NLK: variants seen among roughly 807,000 people sequenced by gnomAD.
NLK encodes serine/threonine-protein kinase NLK.
Under a neutral mutation model 59.0 loss-of-function variants are expected in NLK, and 11 were observed. The ratio of observed to expected loss-of-function variants is 0.19; its 90% CI spans 0.12 to 0.31. The LOEUF (loss-of-function observed/expected upper bound fraction) is 0.31, where lower values mean the gene tolerates loss of function less well. Ranked by LOEUF, NLK falls within the 10% of genes least tolerant of loss-of-function variation. The pLI is 1.00. For synonymous variants in NLK, 235 were observed against 235.9 expected (o/e 1.00, Z 0.03); for missense variants, 410 against 661.1 (o/e 0.62, Z 4.16).
At chr17:28,197,958 A>G (rs991205021), downstream of NLK, among the ~76,000 whole-genome samples, 1 of 152,218 alleles carries the variant, frequency 6.6e-6, no homozygotes, top group African/African-American at 2.4e-5. Flanking sequence ...CTAAAAGCAG[A>G]TCTCCAAGAA....
In NLK at chr17:28,098,675, CTTTTTTTTTTT is replaced by C. The variant is rs781294029; in HGVS notation, c.459-23914_459-23904del. On this transcript the variant is annotated intron_variant, in intron 1 of 10. Coordinates refer to ENST00000407008, the MANE Select transcript of NLK (RefSeq NM_016231.5). ...CTATGAAAAGTTTTTCATTACCATT[CTTTTTTTTTTT>C]TTTTTTTTTTTTTGAGATGGATTTT... Among the ~76,000 whole-genome samples, 19 of 67,570 alleles carry C rather than the reference CTTTTTTTTTTT, an allele frequency of 2.8e-4. 1 individual carries two copies. The highest frequency in any genetic ancestry group is 9.3e-4 in the African/African-American group (15 of 16,044). The allele number at this position is 67,570 out of a possible 152,430, so 44.3% of individuals were successfully genotyped here. A position where few individuals can be genotyped will look rare whatever the true frequency, so the allele number is the denominator to read the frequency against.
At chr17:28,071,203 G>A (rs1401435307) in intron 1 of NLK, among the ~76,000 whole-genome samples, 1 of 152,182 alleles carries the variant, frequency 6.6e-6, no homozygotes, top group South Asian at 2.1e-4. Flanking sequence ...CTATTTTAAA[G>A]TAACTCTTGA....
At chr17:28,109,452 T>G (rs1003117238) in intron 1 of NLK, among the ~76,000 whole-genome samples, 2 of 152,228 alleles carry the variant, frequency 1.3e-5, no homozygotes. Flanking sequence ...AGTTAATTTA[T>G]GGTGTTATAC....
At chr17:28,158,407 A>G (rs893943570) in intron 3 of NLK, among the ~76,000 whole-genome samples, 3 of 152,186 alleles carry the variant, frequency 2.0e-5, no homozygotes, top group African/African-American at 7.2e-5. Flanking sequence ...GTGAGTGGTG[A>G]GTGAATTTGA....
At chr17:28,198,625 A>G (rs554199334), downstream of NLK, among the ~76,000 whole-genome samples, 374 of 152,166 alleles carry the variant, frequency 2.5e-3, no homozygotes, top group Non-Finnish European at 3.4e-3. Context: ...GTGCCTGGCC[A>G]TCTTCACTAT....
chr17:28,056,497 A>G (rs1909449250), intron 1 of NLK, among the ~76,000 whole-genome samples: 1 of 152,240 alleles, frequency 6.6e-6, no homozygotes, highest in Non-Finnish European at 1.5e-5. Context: ...CAAAAACAAA[A>G]CAAATAAAAA....
downstream of NLK, among the ~76,000 whole-genome samples, chr17:28,198,135 A>G (rs1414084328): frequency 6.6e-6 from 1 of 152,134 alleles, no homozygotes; most frequent in African/African-American, 2.4e-5. Context: ...CATGGCACAT[A>G]TGTTTGTTTG....
intron 1 of NLK, among the ~76,000 whole-genome samples, chr17:28,120,398 T>C (rs1028353355): frequency 3.9e-5 from 6 of 152,024 alleles, no homozygotes; most frequent in Non-Finnish European, 7.4e-5. Flanking sequence ...TGTGAGCCAC[T>C]GCGCCCTGCC....
At chr17:28,047,727 T>G (rs1488356965) in intron 1 of NLK, among the ~76,000 whole-genome samples, 1 of 152,216 alleles carries the variant, frequency 6.6e-6, no homozygotes, top group African/African-American at 2.4e-5. Flanking sequence ...ATTGTCTAGC[T>G]TGCTCATCTT....
rs369491618 is a variant in NLK at position 28,125,747 on chromosome 17, T to C, written c.588+3015T>C. On this transcript the variant is annotated intron_variant, in intron 2 of 10. Coordinates refer to ENST00000407008, the MANE Select transcript of NLK (RefSeq NM_016231.5). ...AGTTAAGGCAGCAAATGTTTATTTA[T>C]TGTGTCCTATGTAAGGAGTGCGGTG... 6.8e-4 allele frequency among the ~76,000 whole-genome samples: 103 copies of C among 152,344 alleles called. 4 individuals are homozygous for C. In the South Asian group the frequency reaches 0.021, roughly 31 times the overall value.
intron 1 of NLK, among the ~76,000 whole-genome samples, chr17:28,091,128 A>C (rs1904476905): frequency 6.6e-6 from 1 of 152,202 alleles, no homozygotes; most frequent in South Asian, 2.1e-4. Context: ...ACATGGATAA[A>C]TTGTAAAAAC....
intron 1 of NLK, among the ~76,000 whole-genome samples, chr17:28,096,494 G>GTTA (rs1202824033): frequency 6.6e-6 from 1 of 152,118 alleles, no homozygotes; most frequent in Admixed American, 6.5e-5. Flanking sequence ...CTAGTCCTAA[G>GTTA]GGGCTATAAT....
chr17:28,130,576 A>G (rs1323150851), intron 2 of NLK, among the ~76,000 whole-genome samples: 1 of 152,184 alleles, frequency 6.6e-6, no homozygotes, highest in African/African-American at 2.4e-5. Context: ...ATTCTTCTCT[A>G]TCAAGGTTTA....
intron 7 of NLK, among the ~76,000 whole-genome samples, chr17:28,175,493 A>G (rs2142060549): frequency 6.6e-6 from 1 of 152,104 alleles, no homozygotes; most frequent in East Asian, 1.9e-4. Context: ...CAGTTTCACC[A>G]TGTTGCACGT....
At chr17:28,151,415 A>G (rs1380356041) in intron 3 of NLK, among the ~76,000 whole-genome samples, 2 of 152,234 alleles carry the variant, frequency 1.3e-5, no homozygotes, top group Non-Finnish European at 2.9e-5. Context: ...ATTGTTTTCT[A>G]TAAAGAAAAA....
chr17:28,066,497 C>T (rs1261921697), intron 1 of NLK, among the ~76,000 whole-genome samples: 1 of 152,178 alleles, frequency 6.6e-6, no homozygotes, highest in Non-Finnish European at 1.5e-5. Flanking sequence ...TATATCACAA[C>T]TTTAAAACCC....
chr17:28,049,604 T>C (rs1031606053), intron 1 of NLK, among the ~76,000 whole-genome samples: 1 of 152,176 alleles, frequency 6.6e-6, no homozygotes, highest in Non-Finnish European at 1.5e-5. Context: ...ATATGAACAA[T>C]GAAACATGCC....
intron 1 of NLK, among the ~76,000 whole-genome samples, chr17:28,110,543 A>T (rs1450420406): frequency 6.6e-6 from 1 of 151,530 alleles, no homozygotes; most frequent in Non-Finnish European, 1.5e-5. Flanking sequence ...CAAATTTGGA[A>T]ATATTTCAAC....
At chr17:28,118,251 A>C (rs1249148359) in intron 1 of NLK, among the ~76,000 whole-genome samples, 1 of 152,204 alleles carries the variant, frequency 6.6e-6, no homozygotes, top group Non-Finnish European at 1.5e-5. Flanking sequence ...AGTATAGTTG[A>C]CATAGTAATT....
Sources: allele counts gnomAD v4.1 joint callset (sites outside exome capture counted in the v4.1 genomes callset), GRCh38; gene constraint gnomAD v4.1.1; transcripts MANE v1.5; gene names NCBI Gene and HGNC (gene_info 2026-07-23, HGNC 2026-07-21).